The following ADAP1 variants were observed in gnomAD, a reference collection of about 807,000 sequenced individuals.
ADAP1 encodes arf-GAP with dual PH domain-containing protein 1.
ADAP1 carries 31 observed loss-of-function variants against 54.9 expected under a neutral mutation model. The observed-to-expected ratio is 0.56, with a 90% CI of 0.42 to 0.76. The LOEUF (loss-of-function observed/expected upper bound fraction) is 0.76, where lower values mean the gene tolerates loss of function less well. Ranked by LOEUF, ADAP1 falls within the 30% of genes least tolerant of loss-of-function variation. ADAP1 has a pLI of 0.00. For synonymous variants in ADAP1, 313 were observed against 202.6 expected, an observed-to-expected ratio of 1.55 and a Z score of -4.63; for missense variants, 535 against 512.4, an observed-to-expected ratio of 1.04 and a Z score of -0.42.
intron 4 of ADAP1, chr7:905,723 G>GAGAAGGA (rs147722082): frequency 1.4e-4 from 1 of 7,096 alleles, no homozygotes; most frequent in Non-Finnish European, 2.6e-4. Context: ...AAGGAGAAAG[G>GAGAAGGA]GAAAGGAGAA....
upstream of ADAP1, among the ~76,000 whole-genome samples, chr7:955,064 C>T (rs562611990): frequency 2.4e-3 from 368 of 152,252 alleles, 4 homozygotes; most frequent in African/African-American, 8.3e-3. Context: ...CCAGGGCGCT[C>T]ACACCATCCC....
intron 1 of ADAP1, among the ~76,000 whole-genome samples, chr7:947,033 TTTTG>T (rs1847158316): frequency 6.6e-6 from 1 of 151,690 alleles, no homozygotes; most frequent in South Asian, 2.1e-4. Flanking sequence ...CGATTTGGGG[TTTTG>T]TTTTTTTTCA....
In ADAP1 at chr7:945,717, C is replaced by T. The variant is rs1302569829; in HGVS notation, c.82+8679G>A. 6.1e-6 allele frequency: 6 copies of T among 984,368 alleles called. No homozygotes were observed. The highest frequency in any genetic ancestry group is 4.7e-5 in the South Asian group (1 of 21,266). The allele number at this position is 984,368 out of a possible 1,614,324, so 61.0% of individuals were successfully genotyped here. A position where few individuals can be genotyped will look rare whatever the true frequency, so the allele number is the denominator to read the frequency against. ...CTCCTCCTCGGAGACTGCCCACAGCCGCCAGCCTCTTTCCCTCCCTCCTCC... is the reference window on the plus strand; with the variant it reads ...CTCCTCCTCGGAGACTGCCCACAGCTGCCAGCCTCTTTCCCTCCCTCCTCC... On this transcript the variant is annotated intron_variant, in intron 1 of 10. Transcript: ENST00000265846. This position sits in a 1 kb window ranked among gnomAD's most constrained non-coding sequence, Gnocchi z 4.2.
chr7:912,736 T>C (rs1407075490), intron 4 of ADAP1, among the ~76,000 whole-genome samples: 1 of 152,224 alleles, frequency 6.6e-6, no homozygotes. Flanking sequence ...GGAATCTCGC[T>C]GTTGCCCAGG....
At chr7:935,604 G>A in intron 1 of ADAP1, 99 bp from the exon 2 acceptor site, 2 of 1,454,796 alleles carry the variant, frequency 1.4e-6, no homozygotes, top group Non-Finnish European at 1.8e-6. Context: ...CATGCAGTGG[G>A]GGGGGCTTCA....
At chr7:899,741 CACTT>C (rs1274582222) in intron 8 of ADAP1, among the ~76,000 whole-genome samples, 5 of 152,070 alleles carry the variant, frequency 3.3e-5, no homozygotes, top group African/African-American at 9.7e-5. Context: ...GCCCAGGCCT[CACTT>C]ACGAGCCCTC....
At chr7:947,039 T>A (rs1299840090) in intron 1 of ADAP1, among the ~76,000 whole-genome samples, 2 of 152,032 alleles carry the variant, frequency 1.3e-5, no homozygotes, top group Non-Finnish European at 2.9e-5. Context: ...GGGGTTTTGT[T>A]TTTTTTCATT....
Position 938,518 on chromosome 7 carries a change from G to A in ADAP1, c.83-3013C>T, listed in dbSNP as rs1048716009. ...TAGTTACACACACCCCTGGAGAACA[G>A]GTGGGGAAGAACCACACTGAAGTCC... On this transcript the variant is annotated intron_variant, in intron 1 of 10. Coordinates refer to ENST00000265846, the MANE Select transcript of ADAP1 (RefSeq NM_006869.4). This position sits in a 1 kb window ranked among gnomAD's most constrained non-coding sequence, Gnocchi z 4.4. Among the ~76,000 whole-genome samples the A allele has an allele frequency of 2.0e-5, 3 of 152,132 alleles. No homozygotes were observed. The highest frequency in any genetic ancestry group is 2.9e-5 in the Non-Finnish European group (2 of 68,020).
chr7:907,135 C>A (rs1298808518), intron 4 of ADAP1, among the ~76,000 whole-genome samples: 5 of 152,132 alleles, frequency 3.3e-5, no homozygotes, highest in Non-Finnish European at 2.9e-5. Context: ...TGAGGGGAGT[C>A]CAGCTCAAGC....
At chr7:925,572 C>A (rs993770665) in intron 3 of ADAP1, among the ~76,000 whole-genome samples, 1 of 151,998 alleles carries the variant, frequency 6.6e-6, no homozygotes, top group Non-Finnish European at 1.5e-5. Flanking sequence ...GGGGCACAGA[C>A]CCCAAACAGG....
intron 4 of ADAP1, 116 bp from the exon 5 acceptor site, chr7:905,288 G>GA (rs1845068128): frequency 2.8e-6 from 1 of 363,022 alleles, no homozygotes; most frequent in African/African-American, 4.6e-5. Flanking sequence ...ACACGGACGG[G>GA]GGACACGGAC....
chr7:904,280 G>A lies in ADAP1; in HGVS notation c.502-8C>T, dbSNP rs200767756. 5.1e-6 allele frequency: 8 copies of A among 1,582,676 alleles called. No homozygotes were observed. Among genetic ancestry groups the A allele is most frequent in the Admixed American group, 1.7e-5 (1 of 58,042 alleles). On this transcript the variant is annotated splice_region_variant and splice_polypyrimidine_tract_variant and intron_variant, in intron 5 of 10. Transcript: ENST00000265846. ...GGCCTTGGGCTCCTTGGCCTGAGAA[G>A]GGGTGGGGTCTAAGCACCTCACAGG... is the stretch of plus-strand genomic sequence containing the variant.
chr7:922,998 A>G (rs1846244758), intron 3 of ADAP1: 1 of 38,424 alleles, frequency 2.6e-5, no homozygotes, highest in African/African-American at 1.1e-4. Flanking sequence ...ATTAGTTAAG[A>G]TGAGGCCACA....
chr7:910,328 C>T (rs1196068878), intron 4 of ADAP1, among the ~76,000 whole-genome samples: 1 of 151,974 alleles, frequency 6.6e-6, no homozygotes, highest in Admixed American at 6.6e-5. Context: ...CAGCTCACTG[C>T]AGCCTTGACC....
chr7:915,475 C>T (rs1845896336), intron 4 of ADAP1, among the ~76,000 whole-genome samples: 2 of 152,222 alleles, frequency 1.3e-5, no homozygotes, highest in East Asian at 3.9e-4. Context: ...GCGTGGGCTT[C>T]AGAGGCCGGC....
chr7:919,934 GCCGGGAGGCCCCACCCCAC>G lies in ADAP1; in HGVS notation c.388+15_388+33del. The stretch of plus-strand genomic sequence containing the variant: ...GGAGGGAGAGAGCCAGGGAGAGGTA[GCCGGGAGGCCCCACCCCAC>G]CCGGGTGGCCTCACCTGCCGAGTAG... On this transcript the variant is annotated intron_variant, in intron 4 of 10. Coordinates refer to ENST00000265846, the MANE Select transcript of ADAP1 (RefSeq NM_006869.4). The G allele has an allele frequency of 1.3e-6, 2 of 1,563,576 alleles. No individual in the cohort carries two copies. The highest frequency in any genetic ancestry group is 1.1e-5 in the South Asian group (1 of 88,946).
chr7:942,382 GGAGA>G (rs1287246098), intron 1 of ADAP1, among the ~76,000 whole-genome samples: 56 of 101,898 alleles, frequency 5.5e-4, no homozygotes, highest in African/African-American at 2.1e-3. Context: ...GAGGAGGAAG[GGAGA>G]GAGGAGGAGG....
In ADAP1 at chr7:926,747, A is replaced by G. The variant is rs1428977756; in HGVS notation, c.214-103T>C. On this transcript the variant is annotated intron_variant, in intron 2 of 10. Coordinates refer to ENST00000265846, the MANE Select transcript of ADAP1 (RefSeq NM_006869.4). This position sits in a 1 kb window ranked among gnomAD's most constrained non-coding sequence, Gnocchi z 4.6. ...GTCACCACAGTGACCCGCAGACCCA[A>G]GGCTCTGAGGGCTCCACCAGCACCA... The G allele has an allele frequency of 6.5e-6, 6 of 927,834 alleles. No homozygotes were observed. Among genetic ancestry groups the G allele is most frequent in the African/African-American group, 1.7e-5 (1 of 57,312 alleles). 57.5% of individuals were successfully genotyped at this position (927,834 alleles called of 1,614,324 possible). A position where few individuals can be genotyped will look rare whatever the true frequency, so the allele number is the denominator to read the frequency against.
chr7:912,888 G>A lies in ADAP1; in HGVS notation c.388+7080C>T, dbSNP rs73254034. Among the ~76,000 whole-genome samples the A allele has an allele frequency of 8.5e-3, 1,296 of 152,248 alleles. 23 individuals carry two copies. The highest frequency in any genetic ancestry group is 0.029 in the African/African-American group (1,206 of 41,530). ...TGTTTTAAGACAAGGTCTCTCTGTG[G>A]CCCACACTGGAGTGCAGTGGTGCAA... On this transcript the variant is annotated intron_variant, in intron 4 of 10. Transcript: ENST00000265846.
Sources: gnomAD v4.1 joint callset for allele counts (sites outside exome capture counted in the v4.1 genomes callset) on GRCh38, gnomAD v4.1.1 for gene constraint, Gnocchi (gnomAD v3.1) non-coding constraint, MANE v1.5 for transcripts, NCBI Gene and HGNC (gene_info 2026-07-23, HGNC 2026-07-21) for gene names.